Variants in THADA observed in about 807,000 individuals in gnomAD.
THADA encodes the protein THADA armadillo repeat containing.
Under a neutral mutation model 219.8 loss-of-function variants are expected in THADA, and 213 were observed. The ratio of observed to expected loss-of-function variants is 0.97; its 90% CI spans 0.87 to 1.09. THADA has a LOEUF of 1.09. Ranked by LOEUF, THADA falls within the 50% of genes least tolerant of loss-of-function variation. The pLI is 0.00. For missense variants in THADA, 2,956 were observed against 2,311.3 expected (o/e 1.28, Z -5.72); for synonymous variants, 1,018 against 828.9 (o/e 1.23, Z -3.92).
chr2:43,528,825 T>C (rs908674664), intron 21 of THADA, among the ~76,000 whole-genome samples: 6 of 152,180 alleles, frequency 3.9e-5, no homozygotes, highest in Admixed American at 2.0e-4. Flanking sequence ...AAAATATACA[T>C]AATATTTATC....
chr2:43,402,406 G>A (rs756723816), intron 28 of THADA, among the ~76,000 whole-genome samples: 13 of 152,104 alleles, frequency 8.5e-5, no homozygotes, highest in Non-Finnish European at 1.6e-4. Flanking sequence ...TAACACTTGA[G>A]GAACCAAGAA....
chr2:43,276,448 G>C (rs561077731), intron 36 of THADA, among the ~76,000 whole-genome samples: 6 of 152,140 alleles, frequency 3.9e-5, no homozygotes, highest in Non-Finnish European at 8.8e-5. Flanking sequence ...ATTTTCTCCA[G>C]GCCTTCTAGA....
chr2:43,445,336 TGATTCTGCTCTTGGAATCCTCTCA>T (rs1210546215), intron 26 of THADA, among the ~76,000 whole-genome samples: 1 of 152,270 alleles, frequency 6.6e-6, no homozygotes, highest in Non-Finnish European at 1.5e-5. Flanking sequence ...AGCCCATCTC[TGATTCTGCTCTTGGAATCCTCTCA>T]GATTCTGTTC....
intron 11 of THADA, among the ~76,000 whole-genome samples, chr2:43,573,715 C>T (rs187302771): frequency 6.6e-6 from 1 of 150,800 alleles, no homozygotes; most frequent in African/African-American, 2.5e-5. Context: ...CTGTACGATA[C>T]TACATTCTTG....
At chr2:43,504,972 T>G (rs1689478800) in intron 24 of THADA, among the ~76,000 whole-genome samples, 1 of 152,142 alleles carries the variant, frequency 6.6e-6, no homozygotes, top group African/African-American at 2.4e-5. Context: ...TACTTGATAG[T>G]TATTAATATT....
At chr2:43,432,655 G>A (rs1329654926) in intron 26 of THADA, among the ~76,000 whole-genome samples, 1 of 152,070 alleles carries the variant, frequency 6.6e-6, no homozygotes, top group African/African-American at 2.4e-5. Context: ...GATTTCTGAT[G>A]GAGATTTCTA....
At position 43,574,529 on chromosome 2, in the gene THADA, C is replaced by A. The variant is rs1214876011; in HGVS notation, c.1536G>T (p.Gln512His). Residue 512 changes from glutamine (Q) to histidine (H), a missense_variant, in exon 11 of 38, where the codon CAG becomes CAT. Transcript: ENST00000405975. ...GGTCAATCCAAGAACTCTCAGCAGT[C>A]TGGGATTTCAAATGACTCTTATGAT... is the stretch of plus-strand genomic sequence containing the variant. ...FRNHKSHLKS[Q>H]TAESSWIDQW... The A allele has an allele frequency of 1.2e-6, 2 of 1,613,864 alleles. No homozygotes were observed. The highest frequency in any genetic ancestry group is 1.7e-6 in the Non-Finnish European group (2 of 1,179,910).
chr2:43,247,007 A>G (rs1338351773), intron 36 of THADA, among the ~76,000 whole-genome samples: 3 of 152,264 alleles, frequency 2.0e-5, no homozygotes, highest in Non-Finnish European at 2.9e-5. Flanking sequence ...TTTTGGGCCA[A>G]CTAAAAAGGA....
rs1033924971 is a variant in THADA at position 43,570,325 on chromosome 2, T to G, written c.2187+63A>C. ...GAGACTTCCATTTATTTCCCTTTAA[T>G]GCTTATTCATAATACTTTTTAATTT... On this transcript the variant is annotated intron_variant, in intron 14 of 37. Coordinates refer to ENST00000405975, the MANE Select transcript of THADA (RefSeq NM_022065.5). 6 of 1,453,888 alleles carry G rather than the reference T, an allele frequency of 4.1e-6. No individual in the cohort carries two copies. In the African/African-American group the frequency reaches 8.7e-5, roughly 21 times the overall value. The allele number at this position is 1,453,888 out of a possible 1,614,324, so 90.1% of individuals were successfully genotyped here.
intron 36 of THADA, among the ~76,000 whole-genome samples, chr2:43,250,434 G>A (rs1158567476): frequency 6.6e-6 from 1 of 152,182 alleles, no homozygotes; most frequent in African/African-American, 2.4e-5. Flanking sequence ...GGGTTTTTAG[G>A]GAAGTGATGA....
chr2:43,386,081 C>T (rs766853606), intron 29 of THADA, among the ~76,000 whole-genome samples: 6 of 152,004 alleles, frequency 3.9e-5, no homozygotes, highest in Non-Finnish European at 8.8e-5. Context: ...GATGCCCATA[C>T]ATACCTCAAC....
chr2:43,496,348 T>A (rs1327751609), intron 25 of THADA, among the ~76,000 whole-genome samples: 1 of 152,224 alleles, frequency 6.6e-6, no homozygotes, highest in South Asian at 2.1e-4. Flanking sequence ...GTACTGGGTA[T>A]TGCCCATTAT....
chr2:43,316,898 G>C (rs1678147013), intron 31 of THADA, among the ~76,000 whole-genome samples: 1 of 152,184 alleles, frequency 6.6e-6, no homozygotes, highest in Admixed American at 6.5e-5. Flanking sequence ...TTGTACTCCA[G>C]CTTGTGCAAC....
At chr2:43,297,968 C>A (rs1675759674) in intron 31 of THADA, among the ~76,000 whole-genome samples, 1 of 64,518 alleles carries the variant, frequency 1.5e-5, no homozygotes, top group South Asian at 7.0e-4. Flanking sequence ...CAGCCCCCCG[C>A]CCGGCCAGCC....
rs559469703 is a variant in THADA at position 43,382,369 on chromosome 2, T to C, written c.4227+15602A>G. 5.3e-5 allele frequency among the ~76,000 whole-genome samples: 8 copies of C among 152,334 alleles called. No homozygotes were observed. The East Asian group carries it at 1.3e-3, about 26-fold the overall frequency. ...GTACTATCTTAGTAACTTTTCAGTA[T>C]ATATAAAACTATTCTTAAGTAAGAA... On this transcript the variant is annotated intron_variant, in intron 29 of 37. Coordinates refer to ENST00000405975, the MANE Select transcript of THADA (RefSeq NM_022065.5).
chr2:43,448,560 C>CTTTTTTTTTTTTTTTTTTTTT (rs71410179), intron 26 of THADA, among the ~76,000 whole-genome samples: 1 of 103,630 alleles, frequency 9.6e-6, no homozygotes, highest in Non-Finnish European at 1.9e-5. Flanking sequence ...TTCTTCCTTT[C>CTTTTTTTTTTTTTTTTTTTTT]TTTTTTTTTT....
intron 21 of THADA, among the ~76,000 whole-genome samples, chr2:43,533,824 G>C (rs1299484969): frequency 6.6e-6 from 1 of 152,144 alleles, no homozygotes; most frequent in Non-Finnish European, 1.5e-5. Flanking sequence ...AGGTTGATAG[G>C]TGCAGCAAAC....
intron 29 of THADA, among the ~76,000 whole-genome samples, chr2:43,382,052 T>G (rs1040886192): frequency 6.6e-6 from 1 of 152,118 alleles, no homozygotes; most frequent in South Asian, 2.1e-4. Context: ...ACAAAATATC[T>G]GACCAGTAGT....
chr2:43,303,767 C>A (rs1676526823), intron 31 of THADA, among the ~76,000 whole-genome samples: 1 of 151,850 alleles, frequency 6.6e-6, no homozygotes, highest in Non-Finnish European at 1.5e-5. Context: ...TTAGAGAGGG[C>A]AGTTTCCCCT....
Sources: allele counts gnomAD v4.1 joint callset (sites outside exome capture counted in the v4.1 genomes callset), GRCh38; gene constraint gnomAD v4.1.1; transcripts MANE v1.5; gene names NCBI Gene and HGNC (gene_info 2026-07-23, HGNC 2026-07-21).